Variants in KIF6 observed in about 807,000 individuals in gnomAD.
The protein encoded by KIF6 is kinesin family member 6, also known as kinesin-like protein KIF6.
Under a neutral mutation model 112.7 loss-of-function variants are expected in KIF6, and 106 were observed. The ratio of observed to expected loss-of-function variants is 0.94; its 90% confidence interval spans 0.80 to 1.11. The LOEUF is 1.11. Among genes scored for constraint, KIF6 ranks in the 50% least tolerant of loss-of-function variants. KIF6 has a pLI of 0.00. For missense variants in KIF6, 929 were observed against 964.0 expected (o/e 0.96, Z 0.48); for synonymous variants, 339 against 339.9 (o/e 1.00, Z 0.03).
At chr6:39,476,955 C>G in intron 13 of KIF6, among the ~76,000 whole-genome samples, 1 of 152,290 alleles carries the variant, frequency 6.6e-6, no homozygotes, top group South Asian at 2.1e-4. Flanking sequence ...CATTTACCAA[C>G]TTCTTCATAT....
intron 13 of KIF6, among the ~76,000 whole-genome samples, chr6:39,502,161 G>A (rs551949544): frequency 4.5e-4 from 69 of 152,210 alleles, no homozygotes; most frequent in African/African-American, 1.4e-3. Context: ...CCTACAAGCC[G>A]GAAGAGATTG....
chr6:39,592,123 C>A (rs1349639518), intron 7 of KIF6, among the ~76,000 whole-genome samples: 1 of 151,980 alleles, frequency 6.6e-6, no homozygotes, highest in Non-Finnish European at 1.5e-5. Flanking sequence ...AAAAAACAAA[C>A]AAACAAACAA....
At chr6:39,416,631 T>C (rs1224376500) in intron 15 of KIF6, among the ~76,000 whole-genome samples, 1 of 152,180 alleles carries the variant, frequency 6.6e-6, no homozygotes, top group Non-Finnish European at 1.5e-5. Flanking sequence ...TGGCTTCTTT[T>C]AAGAGAAGGA....
Position 39,403,181 on chromosome 6 carries a change from T to A in KIF6, c.1810+16767A>T, listed in dbSNP as rs1358449135. ...GGTGGATTCATACTGTTTTATTTTT[T>A]ATTTATTATTAAATATGGTAAAATT... On this transcript the variant is annotated intron_variant, in intron 15 of 22. Transcript: ENST00000287152. 2.0e-5 allele frequency among the ~76,000 whole-genome samples: 3 copies of A among 152,336 alleles called. No individual in the cohort carries two copies. In the East Asian group the frequency reaches 5.8e-4, roughly 29 times the overall value.
intron 9 of KIF6, chr6:39,583,151 C>G: frequency 3.9e-6 from 1 of 257,476 alleles, no homozygotes; most frequent in South Asian, 4.6e-5. Flanking sequence ...AACAAACAAA[C>G]AAACAAACAA....
intron 3 of KIF6, among the ~76,000 whole-genome samples, chr6:39,666,709 G>A (rs1051337347): frequency 6.6e-6 from 1 of 152,110 alleles, no homozygotes; most frequent in Non-Finnish European, 1.5e-5. Flanking sequence ...AGGCAAGCAT[G>A]GTGTTATGTG....
Position 39,540,237 on chromosome 6 carries a change from A to C in KIF6, c.1427-16T>G. ...ACCAGGATATCTGAAACTTGACTTAAGGATTTAATGCCTGATGCTAGCTTA... is the reference window on the plus strand; with the variant it reads ...ACCAGGATATCTGAAACTTGACTTACGGATTTAATGCCTGATGCTAGCTTA... On this transcript the variant is annotated splice_polypyrimidine_tract_variant and intron_variant, in intron 12 of 22. Transcript: ENST00000287152. The C allele has an allele frequency of 6.7e-7, 1 of 1,502,506 alleles. No homozygotes were observed. The highest frequency in any genetic ancestry group is 1.2e-5 in the South Asian group (1 of 85,988). 93.1% of individuals were successfully genotyped at this position (1,502,506 alleles called of 1,614,324 possible).
chr6:39,678,298 C>A (rs947632116), intron 3 of KIF6, among the ~76,000 whole-genome samples: 2 of 152,134 alleles, frequency 1.3e-5, no homozygotes, highest in African/African-American at 2.4e-5. Context: ...CATCCCATTA[C>A]TGGGTATATA....
chr6:39,592,977 A>G (rs1483067159), intron 7 of KIF6, among the ~76,000 whole-genome samples: 3 of 152,222 alleles, frequency 2.0e-5, no homozygotes, highest in African/African-American at 7.2e-5. Context: ...TCTGTCTTAT[A>G]TATTGAAACC....
At chr6:39,529,238 C>T (rs1254881273) in intron 13 of KIF6, among the ~76,000 whole-genome samples, 1 of 152,146 alleles carries the variant, frequency 6.6e-6, no homozygotes, top group Non-Finnish European at 1.5e-5. Flanking sequence ...CTACATGACA[C>T]TGATCTGGGC....
rs72858448 is a variant in KIF6 at position 39,331,050 on chromosome 6, C to T, written c.*5482G>A. 9,812 of 152,582 alleles carry T rather than the reference C, an allele frequency of 0.064. 350 individuals carry two copies. Among genetic ancestry groups the T allele is most frequent in the African/African-American group, 0.081 (3,350 of 41,450 alleles). The allele number at this position is 152,582 out of a possible 1,614,324, so 9.5% of individuals were successfully genotyped here. On this transcript the variant is annotated 3_prime_UTR_variant, in exon 23 of 23. Coordinates refer to ENST00000287152, the MANE Select transcript of KIF6 (RefSeq NM_145027.6). ...TTTGCCTCTTCCCATCACCCAATACCCAACCTGCCATCATTGTCCTAAGCT... is the reference window on the plus strand; with the variant it reads ...TTTGCCTCTTCCCATCACCCAATACTCAACCTGCCATCATTGTCCTAAGCT...
At chr6:39,618,866 A>G (rs1256893487) in intron 5 of KIF6, among the ~76,000 whole-genome samples, 1 of 152,196 alleles carries the variant, frequency 6.6e-6, no homozygotes, top group African/African-American at 2.4e-5. Context: ...CTCCTTTGAG[A>G]CGGTCTACCT....
chr6:39,353,814 A>C, intron 19 of KIF6: 1 of 366,636 alleles, frequency 2.7e-6, no homozygotes, highest in South Asian at 2.7e-5. Context: ...TCCGGCATGC[A>C]GCAGATGCTG....
chr6:39,379,735 T>C (rs929001451), intron 16 of KIF6, among the ~76,000 whole-genome samples: 11 of 152,314 alleles, frequency 7.2e-5, no homozygotes, highest in East Asian at 3.9e-4. Flanking sequence ...CCTGGTTAGA[T>C]TGGAAACTCT....
chr6:39,577,966 T>G, intron 10 of KIF6, 90 bp downstream of exon 10: 2 of 847,162 alleles, frequency 2.4e-6, no homozygotes, highest in Non-Finnish European at 3.8e-6. Flanking sequence ...CCTTCATGCT[T>G]TGAGGTGAAT....
In KIF6 at chr6:39,540,010, C is replaced by T; in HGVS notation, c.1638G>A (p.Lys546=). 6.3e-7 allele frequency: 1 copy of T among 1,599,514 alleles called. No individual in the cohort carries two copies. The highest frequency in any genetic ancestry group is 8.5e-7 in the Non-Finnish European group (1 of 1,174,494). ...ILGKRSSLLH[K]KIGMREEMSL... ...GAAATTTAGTCAACTGACCTATTTTCTTGTGGAGCAAACTGGATCTTTTCC... is the reference window on the plus strand; with the variant it reads ...GAAATTTAGTCAACTGACCTATTTTTTTGTGGAGCAAACTGGATCTTTTCC... Residue 546 remains lysine (K), a synonymous_variant, in exon 13 of 23, where the codon AAG becomes AAA. Coordinates refer to ENST00000287152, the MANE Select transcript of KIF6 (RefSeq NM_145027.6).
At position 39,596,106 on chromosome 6, in the gene KIF6, T is replaced by C. The variant is rs1782240106; in HGVS notation, c.794A>G (p.His265Arg). 1.9e-6 allele frequency: 3 copies of C among 1,614,056 alleles called. No homozygotes were observed. The highest frequency in any genetic ancestry group is 4.5e-5 in the East Asian group (2 of 44,874). ...GATATACTTGGCCTCTGTTAGAAGA[T>C]GGCCCCCTACTCCAGTCTTTGCAAC... Reference protein sequence around the residue: ...ERVAKTGVGGHLLTEAKYINL... With the variant: ...ERVAKTGVGGRLLTEAKYINL... The change falls in exon 7 of 23, where the codon CAT becomes CGT. Residue 265 changes from histidine to arginine, a missense_variant. His to Arg is a conservative substitution (Grantham distance 29, BLOSUM62 0). Coordinates refer to ENST00000287152, the MANE Select transcript of KIF6 (RefSeq NM_145027.6).
At chr6:39,552,989 C>T (rs949310807) in intron 10 of KIF6, among the ~76,000 whole-genome samples, 2 of 152,164 alleles carry the variant, frequency 1.3e-5, no homozygotes, top group Non-Finnish European at 2.9e-5. Context: ...GGAAACTATA[C>T]AAAAATTTTT....
At chr6:39,700,190 T>G (rs942959433) in intron 3 of KIF6, among the ~76,000 whole-genome samples, 2 of 152,206 alleles carry the variant, frequency 1.3e-5, no homozygotes, top group Non-Finnish European at 2.9e-5. Context: ...AATGTACACT[T>G]AAGTTATTAT....
Sources: gnomAD v4.1 joint callset for allele counts (sites outside exome capture counted in the v4.1 genomes callset) on GRCh38, gnomAD v4.1.1 for gene constraint, MANE v1.5 for transcripts, NCBI Gene and HGNC (gene_info 2026-07-23, HGNC 2026-07-21) for gene names.